AHCTF1: variants seen among roughly 807,000 people sequenced by gnomAD.
The protein encoded by AHCTF1 is protein ELYS.
Under a neutral mutation model 248.4 loss-of-function variants are expected in AHCTF1, and 24 were observed. The ratio of observed to expected loss-of-function variants is 0.10; its 90% CI spans 0.07 to 0.14. AHCTF1 has a LOEUF of 0.14. Among genes scored for constraint, AHCTF1 ranks in the 10% least tolerant of loss-of-function variants. The probability of loss-of-function intolerance (pLI) is 1.00; values close to 1 mark genes in which losing one functional copy is unlikely to be tolerated. For missense variants in AHCTF1, 2,206 were observed against 2,636.2 expected, an observed-to-expected ratio of 0.84 and a Z score of 3.57; for synonymous variants, 786 against 929.8, an observed-to-expected ratio of 0.85 and a Z score of 2.81.
rs775796909 is a variant in AHCTF1 at position 246,905,674 on chromosome 1, T to C, written c.765-17A>G. ...ATGTAATATCTGAAACAAATTAGTA[T>C]ATTTCATATTTTTAAGTTATTTTTT... On this transcript the variant is annotated splice_polypyrimidine_tract_variant and intron_variant, in intron 5 of 35. Coordinates refer to ENST00000648844, the MANE Select transcript of AHCTF1 (RefSeq NM_001323342.2). The C allele has an allele frequency of 5.1e-6, 8 of 1,570,978 alleles. No individual in the cohort carries two copies. Among genetic ancestry groups the C allele is most frequent in the South Asian group, 2.2e-5 (2 of 89,424 alleles).
chr1:246,920,350 G>T (rs1364988393), intron 1 of AHCTF1, among the ~76,000 whole-genome samples: 2 of 151,874 alleles, frequency 1.3e-5, no homozygotes, highest in Non-Finnish European at 2.9e-5. Flanking sequence ...GAAAAATCAA[G>T]TAGATTTGAA....
chr1:246,852,971 A>T, intron 32 of AHCTF1, 120 bp downstream of exon 32: 1 of 693,102 alleles, frequency 1.4e-6, no homozygotes, highest in South Asian at 2.2e-5. Context: ...ATATTTTTAT[A>T]AATAAGTTTT....
intron 10 of AHCTF1, 143 bp from the exon 11 acceptor site, chr1:246,899,655 T>A (rs758780543): frequency 3.3e-6 from 2 of 614,910 alleles, no homozygotes; most frequent in African/African-American, 3.8e-5. Context: ...TTCTAGGTAT[T>A]TTCATCCTAA....
At chr1:246,869,800 T>A (rs1662439457) in intron 24 of AHCTF1, among the ~76,000 whole-genome samples, 1 of 152,190 alleles carries the variant, frequency 6.6e-6, no homozygotes, top group African/African-American at 2.4e-5. Context: ...GGGAGACGAA[T>A]GCTGTTAGCA....
Position 246,851,295 on chromosome 1 carries a change from T to C in AHCTF1, c.4711A>G (p.Lys1571Glu), listed in dbSNP as rs757847395. The C allele has an allele frequency of 1.1e-5, 17 of 1,613,946 alleles. No individual in the cohort carries two copies. In the African/African-American group the frequency reaches 1.5e-4, roughly 14 times the overall value. Residue 1571 changes from lysine to glutamate, a missense_variant, in exon 33 of 36, where the codon AAA becomes GAA. Physicochemically the swap from Lys to Glu is moderately conservative, Grantham distance 56. Transcript: ENST00000648844. ...DQQFCDLADNKDTAECDIAEV... is the reference protein window; with the variant it reads ...DQQFCDLADNEDTAECDIAEV... ...GCAATGTCACATTCAGCAGTGTCTT[T>C]GTTATCAGCTAAGTCACAAAACTGT...
intron 1 of AHCTF1, among the ~76,000 whole-genome samples, chr1:246,929,001 A>G (rs1449119038): frequency 2.6e-5 from 4 of 152,206 alleles, no homozygotes; most frequent in African/African-American, 9.7e-5. Flanking sequence ...TACAATCTAG[A>G]AAAGGAGATA....
chr1:246,891,759 TG>T lies in AHCTF1; in HGVS notation c.1945+19del. On this transcript the variant is annotated intron_variant, in intron 15 of 35. Coordinates refer to ENST00000648844, the MANE Select transcript of AHCTF1 (RefSeq NM_001323342.2). ...AGTAAAATTTAATAAAACACTCATTTGATAAAACAAAGAGCGTACCTCTCTC... is the reference window on the plus strand; with the variant it reads ...AGTAAAATTTAATAAAACACTCATTTATAAAACAAAGAGCGTACCTCTCTC... The T allele has an allele frequency of 6.2e-7, 1 of 1,601,732 alleles. No individual in the cohort carries two copies. Among genetic ancestry groups the T allele is most frequent in the South Asian group, 1.1e-5 (1 of 88,350 alleles).
chr1:246,924,065 C>T (rs2103249522), intron 1 of AHCTF1, among the ~76,000 whole-genome samples: 1 of 152,300 alleles, frequency 6.6e-6, no homozygotes, highest in East Asian at 1.9e-4. Context: ...CCCCTCCTAT[C>T]TATTGAGTAC....
At chr1:246,918,496 G>A in intron 1 of AHCTF1, 119 bp from the exon 2 acceptor site, 1 of 1,052,420 alleles carries the variant, frequency 9.5e-7, no homozygotes, top group African/African-American at 1.6e-5. Context: ...ACTAAAATCT[G>A]GTTACAAAAT....
chr1:246,843,264 T>TA (rs1660007849), intron 34 of AHCTF1, among the ~76,000 whole-genome samples: 2 of 152,248 alleles, frequency 1.3e-5, no homozygotes, highest in Non-Finnish European at 1.5e-5. Context: ...CCTCGGTCTA[T>TA]AAAGTATTTG....
Position 246,864,081 on chromosome 1 carries a change from G to A in AHCTF1, c.3383C>T (p.Pro1128Leu). 1 of 1,614,128 alleles carries A rather than the reference G, an allele frequency of 6.2e-7. No individual in the cohort carries two copies. Among genetic ancestry groups the A allele is most frequent in the Admixed American group, 1.7e-5 (1 of 60,010 alleles). ...LDLVVQPVPR[P>L]SQCSEFIQQS... ...CTGAATAAACTCCGAACACTGAGAA[G>A]GCCGGGGGACAGGCTGAACAACCAA... is the stretch of plus-strand genomic sequence containing the variant. The change falls in exon 27 of 36, where the codon CCT becomes CTT. Residue 1128 changes from proline (P) to leucine (L), a missense_variant. Physicochemically the swap from Pro to Leu is moderately conservative, Grantham distance 98 (BLOSUM62 -3). This residue lies in a region of AHCTF1 where 955 missense variants were observed against 1,055.6 expected (regional missense o/e 0.90). Transcript: ENST00000648844.
At chr1:246,925,574 C>G (rs1246012202) in intron 1 of AHCTF1, among the ~76,000 whole-genome samples, 1 of 152,152 alleles carries the variant, frequency 6.6e-6, no homozygotes, top group African/African-American at 2.4e-5. Flanking sequence ...AAGCTATGAT[C>G]AGGCCACTGC....
At chr1:246,862,339 G>A (rs1661625233) in intron 27 of AHCTF1, among the ~76,000 whole-genome samples, 186 bp from the exon 28 acceptor site, 1 of 152,150 alleles carries the variant, frequency 6.6e-6, no homozygotes, top group Non-Finnish European at 1.5e-5. Context: ...AATTAGGCAG[G>A]CGGGGTGGCG....
At chr1:246,864,982 A>C (rs187354153) in intron 26 of AHCTF1, among the ~76,000 whole-genome samples, 1 of 152,126 alleles carries the variant, frequency 6.6e-6, no homozygotes, top group South Asian at 2.1e-4. Flanking sequence ...TTAAGATTCT[A>C]CTACAAGGTT....
chr1:246,873,880 G>A (rs1662766853), intron 24 of AHCTF1, among the ~76,000 whole-genome samples: 2 of 152,102 alleles, frequency 1.3e-5, no homozygotes. Flanking sequence ...ACTACTTACT[G>A]TATAAGTCCT....
rs1215839251 is a variant in AHCTF1, at chr1:246,867,355, T to C, written c.3240-4A>G. The stretch of plus-strand genomic sequence containing the variant: ...AGATGGTTCTTCTATTTTAGAACTA[T>C]GAAAATAAAAATTTAACTTCTGATG... On this transcript the variant is annotated splice_region_variant and splice_polypyrimidine_tract_variant and intron_variant, in intron 25 of 35. Transcript: ENST00000648844. 23 of 1,559,386 alleles carry C rather than the reference T, an allele frequency of 1.5e-5. No individual in the cohort carries two copies. Among genetic ancestry groups the C allele is most frequent in the Non-Finnish European group, 2.0e-5 (23 of 1,150,372 alleles).
intron 21 of AHCTF1, among the ~76,000 whole-genome samples, chr1:246,883,587 A>G (rs1172917078): frequency 1.3e-5 from 2 of 152,186 alleles, no homozygotes; most frequent in African/African-American, 4.8e-5. Context: ...TTCAATAAAA[A>G]CTATCACCTG....
At chr1:246,931,302 A>G (rs1183806355) in intron 1 of AHCTF1, 6 of 1,547,334 alleles carry the variant, frequency 3.9e-6, no homozygotes, top group Non-Finnish European at 8.7e-7. Flanking sequence ...GCAGGACGCG[A>G]ACCACCAGCG....
At chr1:246,891,741 T>C in intron 15 of AHCTF1, 38 bp downstream of exon 15, 1 of 1,597,256 alleles carries the variant, frequency 6.3e-7, no homozygotes, top group South Asian at 1.1e-5. Flanking sequence ...AGAAGTAAAA[T>C]TTAATAAAAC....
Sources: allele counts gnomAD v4.1 joint callset (sites outside exome capture counted in the v4.1 genomes callset), GRCh38; gene constraint gnomAD v4.1.1; regional missense constraint gnomAD v4.1.1; transcripts MANE v1.5; gene names NCBI Gene and HGNC (gene_info 2026-07-23, HGNC 2026-07-21).